Variants in HTR7 observed in about 807,000 individuals in gnomAD.
HTR7 encodes 5-HT-7.
HTR7 carries 16 observed loss-of-function variants against 34.0 expected under a neutral mutation model. That is an observed-to-expected ratio of 0.47 (90% confidence interval 0.32 to 0.71). The LOEUF (loss-of-function observed/expected upper bound fraction) is 0.71. Ranked by LOEUF, HTR7 falls within the 30% of genes least tolerant of loss-of-function variation. The pLI is 0.04. For synonymous variants in HTR7, 265 were observed against 260.2 expected, an observed-to-expected ratio of 1.02 and a Z score of -0.18; for missense variants, 504 against 625.5, an observed-to-expected ratio of 0.81 and a Z score of 2.07.
intron 1 of HTR7, among the ~76,000 whole-genome samples, chr10:90,815,487 T>C (rs1451051443): frequency 2.6e-5 from 4 of 152,184 alleles, no homozygotes; most frequent in African/African-American, 9.7e-5. Flanking sequence ...CCTAGTACTA[T>C]AAAACAGAAA....
chr10:90,771,652 G>T (rs1845114457), intron 1 of HTR7, among the ~76,000 whole-genome samples: 1 of 152,208 alleles, frequency 6.6e-6, no homozygotes, highest in African/African-American at 2.4e-5. Flanking sequence ...CCTGCCCCAT[G>T]GCAGCAGCCA....
At chr10:90,808,844 G>C (rs781086654) in intron 1 of HTR7, among the ~76,000 whole-genome samples, 3 of 152,156 alleles carry the variant, frequency 2.0e-5, no homozygotes, top group Non-Finnish European at 4.4e-5. Flanking sequence ...AAACTCAACA[G>C]TGGTACCAAA....
chr10:90,822,598 A>T (rs760915712), intron 1 of HTR7, among the ~76,000 whole-genome samples: 47 of 152,256 alleles, frequency 3.1e-4, no homozygotes, highest in Admixed American at 3.9e-4. Flanking sequence ...GCCCATTTTC[A>T]GGGAAGGAAT....
At position 90,741,279 on chromosome 10, in the gene HTR7, T is replaced by C. The variant is rs973865033; in HGVS notation, c.*1203A>G. The C allele has an allele frequency of 5.9e-5, 9 of 152,644 alleles. No individual in the cohort carries two copies. Among genetic ancestry groups the C allele is most frequent in the African/African-American group, 1.9e-4 (8 of 41,460 alleles). 9.5% of individuals were successfully genotyped at this position (152,644 alleles called of 1,614,324 possible). Reference sequence around the variant, plus strand: ...TTCTGTCTCCTTAGCTCTTAATTACTACATAGTGCCATTTAAAAAATATAT... The same window carrying C: ...TTCTGTCTCCTTAGCTCTTAATTACCACATAGTGCCATTTAAAAAATATAT... On this transcript the variant is annotated 3_prime_UTR_variant, in exon 4 of 4. Coordinates refer to ENST00000336152, the MANE Select transcript of HTR7 (RefSeq NM_019859.4).
chr10:90,785,485 G>A (rs563946461), intron 1 of HTR7, among the ~76,000 whole-genome samples: 4 of 152,156 alleles, frequency 2.6e-5, no homozygotes, highest in East Asian at 1.9e-4. Context: ...TGATACCTTC[G>A]TAATGTCTGT....
chr10:90,824,465 G>A (rs1190440612), intron 1 of HTR7, among the ~76,000 whole-genome samples: 1 of 152,198 alleles, frequency 6.6e-6, no homozygotes, highest in African/African-American at 2.4e-5. Flanking sequence ...GGTAGCCAAG[G>A]GGAGGGATTC....
chr10:90,777,187 A>G (rs894716669), intron 1 of HTR7, among the ~76,000 whole-genome samples: 1 of 152,180 alleles, frequency 6.6e-6, no homozygotes, highest in African/African-American at 2.4e-5. Flanking sequence ...TGTGGCCTTA[A>G]GATGCCTCCT....
chr10:90,836,133 T>A (rs1419799122), intron 1 of HTR7, among the ~76,000 whole-genome samples: 2 of 152,154 alleles, frequency 1.3e-5, no homozygotes, highest in African/African-American at 4.8e-5. Context: ...TTGAGCAGCA[T>A]CTGAACTCGA....
At chr10:90,798,044 A>G (rs1390006499) in intron 1 of HTR7, among the ~76,000 whole-genome samples, 1 of 152,176 alleles carries the variant, frequency 6.6e-6, no homozygotes, top group African/African-American at 2.4e-5. Context: ...TAGATCCCTC[A>G]TGGCCTAATC....
At chr10:90,828,664 A>C (rs1407686718) in intron 1 of HTR7, among the ~76,000 whole-genome samples, 1 of 152,172 alleles carries the variant, frequency 6.6e-6, no homozygotes, top group Non-Finnish European at 1.5e-5. Flanking sequence ...AAATTTGAAC[A>C]TACCGATAAC....
chr10:90,789,272 C>G (rs942386220), intron 1 of HTR7, among the ~76,000 whole-genome samples: 1 of 152,174 alleles, frequency 6.6e-6, no homozygotes, highest in African/African-American at 2.4e-5. Context: ...TTCTCAAGGC[C>G]TCTGCTTTGA....
chr10:90,832,125 G>T (rs1429784139), intron 1 of HTR7, among the ~76,000 whole-genome samples: 7 of 152,220 alleles, frequency 4.6e-5, no homozygotes, highest in African/African-American at 1.7e-4. Context: ...CAGTGGATCT[G>T]GCACTGGGGC....
At chr10:90,806,058 T>C (rs928131131) in intron 1 of HTR7, among the ~76,000 whole-genome samples, 1 of 152,172 alleles carries the variant, frequency 6.6e-6, no homozygotes, top group Non-Finnish European at 1.5e-5. Context: ...GAATTCTACA[T>C]GCAGAGTTCA....
At chr10:90,784,037 C>T (rs1845346557) in intron 1 of HTR7, among the ~76,000 whole-genome samples, 1 of 152,168 alleles carries the variant, frequency 6.6e-6, no homozygotes, top group Non-Finnish European at 1.5e-5. Context: ...TAATTACATT[C>T]TTACTAAAAC....
At chr10:90,773,263 C>T (rs1483818565) in intron 1 of HTR7, among the ~76,000 whole-genome samples, 2 of 152,168 alleles carry the variant, frequency 1.3e-5, no homozygotes, top group African/African-American at 2.4e-5. Flanking sequence ...AAAAGTTCTA[C>T]ATTAAGTCAA....
chr10:90,743,779 T>C lies in HTR7; in HGVS notation c.1296-89A>G, dbSNP rs1183499874. 5.7e-6 allele frequency: 6 copies of C among 1,045,890 alleles called. No homozygotes were observed. In the Admixed American group the frequency reaches 1.1e-4, roughly 19 times the overall value. The allele number at this position is 1,045,890 out of a possible 1,614,324, so 64.8% of individuals were successfully genotyped here. On this transcript the variant is annotated intron_variant, in intron 2 of 3. Coordinates refer to ENST00000336152, the MANE Select transcript of HTR7 (RefSeq NM_019859.4). ...TCCTTGATTATATTTCATTATCATA[T>C]TTGGTTTTATATTACCAATCTGTGA...
intron 1 of HTR7, among the ~76,000 whole-genome samples, chr10:90,802,304 A>G (rs1201472617): frequency 1.3e-5 from 2 of 152,238 alleles, no homozygotes; most frequent in Admixed American, 1.3e-4. Flanking sequence ...TATTTTAAGT[A>G]ACACACTGTT....
intron 1 of HTR7, among the ~76,000 whole-genome samples, 164 bp downstream of exon 1, chr10:90,856,969 A>C (rs1846589998): frequency 6.6e-6 from 1 of 152,032 alleles, no homozygotes; most frequent in South Asian, 2.1e-4. Flanking sequence ...GCCGTAACCG[A>C]AGTTTGGTTG....
chr10:90,840,175 T>TCACACACA (rs1406405693), intron 1 of HTR7, among the ~76,000 whole-genome samples: 12 of 122,522 alleles, frequency 9.8e-5, no homozygotes, highest in African/African-American at 3.6e-4. Context: ...TCTCTCTCTC[T>TCACACACA]CTCACACACA....
Sources: allele counts gnomAD v4.1 joint callset (sites outside exome capture counted in the v4.1 genomes callset), GRCh38; gene constraint gnomAD v4.1.1; transcripts MANE v1.5; gene names NCBI Gene and HGNC (gene_info 2026-07-23, HGNC 2026-07-21).